The following EIF3H variants were observed in gnomAD, a reference collection of about 807,000 sequenced individuals.
EIF3H encodes the protein eIF-3-gamma.
Under a neutral mutation model 44.2 loss-of-function variants are expected in EIF3H, and 26 were observed. The ratio of observed to expected loss-of-function variants is 0.59; its 90% CI spans 0.43 to 0.82. The LOEUF is 0.82. Ranked by LOEUF, EIF3H falls within the 40% of genes least tolerant of loss-of-function variation. The pLI is 0.00. For synonymous variants in EIF3H, 166 were observed against 151.9 expected, an observed-to-expected ratio of 1.09 and a Z score of -0.68; for missense variants, 359 against 432.8, an observed-to-expected ratio of 0.83 and a Z score of 1.51.
intron 1 of EIF3H, among the ~76,000 whole-genome samples, chr8:116,731,130 A>G (rs1814943771): frequency 2.0e-5 from 3 of 152,310 alleles, no homozygotes; most frequent in Non-Finnish European, 1.5e-5. Flanking sequence ...TTTTGCTTAT[A>G]TGTATCACAA....
intron 2 of EIF3H, among the ~76,000 whole-genome samples, chr8:116,717,199 G>GA (rs1814672375): frequency 6.6e-6 from 1 of 151,998 alleles, no homozygotes; most frequent in African/African-American, 2.4e-5. Context: ...GCAAGGAGGT[G>GA]AAAAACCTCT....
At chr8:116,740,264 G>A (rs139305443) in intron 1 of EIF3H, among the ~76,000 whole-genome samples, 206 of 152,248 alleles carry the variant, frequency 1.4e-3, no homozygotes, top group African/African-American at 4.8e-3. Flanking sequence ...CTCAAAATAC[G>A]TGACCACAAT....
intron 2 of EIF3H, among the ~76,000 whole-genome samples, chr8:116,675,202 C>A (rs575897486): frequency 1.3e-5 from 2 of 152,154 alleles, no homozygotes; most frequent in Non-Finnish European, 2.9e-5. Flanking sequence ...GAACTAGGAG[C>A]GAATGACTCA....
At chr8:116,760,013 G>A (rs920423847), upstream of EIF3H, among the ~76,000 whole-genome samples, 1 of 152,146 alleles carries the variant, frequency 6.6e-6, no homozygotes, top group Admixed American at 6.5e-5. Context: ...TTATGGGTGC[G>A]AGCCACCATG....
intron 1 of EIF3H, among the ~76,000 whole-genome samples, chr8:116,736,107 A>G (rs1475464760): frequency 6.6e-6 from 1 of 152,272 alleles, no homozygotes; most frequent in African/African-American, 2.4e-5. Context: ...AAAACATGCA[A>G]AGTGAAAGAA....
At chr8:116,756,049 T>C, upstream of EIF3H, 2 of 1,509,204 alleles carry the variant, frequency 1.3e-6, no homozygotes, top group South Asian at 2.4e-5. Flanking sequence ...TTTAAATGTT[T>C]AATCATTCAC....
intron 1 of EIF3H, among the ~76,000 whole-genome samples, chr8:116,764,230 G>C (rs915740883): frequency 2.0e-5 from 3 of 152,094 alleles, no homozygotes; most frequent in Non-Finnish European, 4.4e-5. Flanking sequence ...TCAGTATAAG[G>C]TCAAAAAAAT....
chr8:116,750,743 A>G (rs1002522104), intron 1 of EIF3H, among the ~76,000 whole-genome samples: 1 of 151,934 alleles, frequency 6.6e-6, no homozygotes, highest in African/African-American at 2.4e-5. Context: ...AAAACTAAGT[A>G]GTCTGAGGGG....
chr8:116,716,656 T>C (rs1443433238), intron 2 of EIF3H, among the ~76,000 whole-genome samples: 1 of 152,064 alleles, frequency 6.6e-6, no homozygotes, highest in East Asian at 1.9e-4. Context: ...GGTCAGACAG[T>C]AAATATTTCA....
chr8:116,759,741 G>A (rs1563665579), upstream of EIF3H, among the ~76,000 whole-genome samples: 2 of 151,890 alleles, frequency 1.3e-5, no homozygotes, highest in South Asian at 2.1e-4. Flanking sequence ...GCGCACACAC[G>A]CACATGCTTG....
chr8:116,728,658 C>T (rs750364246), intron 1 of EIF3H, among the ~76,000 whole-genome samples: 15 of 152,042 alleles, frequency 9.9e-5, no homozygotes, highest in Admixed American at 2.6e-4. Flanking sequence ...TTCAATACTA[C>T]GAAATGAAAG....
At chr8:116,657,734 C>G (rs529960259) in intron 3 of EIF3H, 1 of 163,318 alleles carries the variant, frequency 6.1e-6, no homozygotes, top group South Asian at 1.7e-4. Flanking sequence ...AATAGCCCCG[C>G]ACACAAAATT....
At chr8:116,746,956 G>A (rs1256987655) in intron 1 of EIF3H, among the ~76,000 whole-genome samples, 8 of 152,136 alleles carry the variant, frequency 5.3e-5, no homozygotes, top group Non-Finnish European at 7.4e-5. Context: ...ACCACTCAAG[G>A]CACCTAAAGT....
chr8:116,737,748 A>G (rs1372680065), intron 1 of EIF3H: 1 of 153,026 alleles, frequency 6.5e-6, no homozygotes, highest in African/African-American at 2.4e-5. Context: ...ATGAAGAACA[A>G]TGAGGCCAGG....
chr8:116,734,693 T>C (rs1187314493), intron 1 of EIF3H, among the ~76,000 whole-genome samples: 1 of 152,062 alleles, frequency 6.6e-6, no homozygotes, highest in Non-Finnish European at 1.5e-5. Context: ...GTAGCTGGAA[T>C]TACAGGTGCA....
intron 2 of EIF3H, among the ~76,000 whole-genome samples, chr8:116,667,157 A>G (rs1813684307): frequency 6.6e-6 from 1 of 152,218 alleles, no homozygotes; most frequent in Non-Finnish European, 1.5e-5. Flanking sequence ...ATTAAAACAT[A>G]CAATTTGGCT....
chr8:116,727,783 T>G (rs1814872645), intron 1 of EIF3H, among the ~76,000 whole-genome samples: 1 of 152,238 alleles, frequency 6.6e-6, no homozygotes, highest in South Asian at 2.1e-4. Context: ...AAAACACTCT[T>G]TGATCATGGC....
chr8:116,706,737 G>A (rs7822206), intron 2 of EIF3H, among the ~76,000 whole-genome samples: 51,247 of 151,816 alleles, frequency 0.34, 9,408 homozygotes, highest in East Asian at 0.57. Flanking sequence ...TTCACCAAGG[G>A]TTTTGACATG....
rs79726345 is a variant in EIF3H at position 116,668,099 on chromosome 8, T to G, written c.290-9119A>C. Among the ~76,000 whole-genome samples the G allele has an allele frequency of 3.5e-3, 528 of 152,354 alleles. 21 individuals carry two copies. The East Asian group carries it at 0.091, about 26-fold the overall frequency. On this transcript the variant is annotated intron_variant, in intron 2 of 7. Coordinates refer to ENST00000521861, the MANE Select transcript of EIF3H (RefSeq NM_003756.3). The stretch of plus-strand genomic sequence containing the variant: ...GATTTGAGCCGTCAATTGTGACTAC[T>G]TCTCCAACACTCGGGTTATAATAGT...
Sources: allele counts gnomAD v4.1 joint callset (sites outside exome capture counted in the v4.1 genomes callset), GRCh38; gene constraint gnomAD v4.1.1; transcripts MANE v1.5; gene names NCBI Gene and HGNC (gene_info 2026-07-23, HGNC 2026-07-21).